Variants in TNKS observed in about 807,000 individuals in gnomAD.
TNKS encodes the protein tankyrase, also known as poly [ADP-ribose] polymerase tankyrase-1.
TNKS carries 72 observed loss-of-function variants against 135.8 expected under a neutral mutation model. The ratio of observed to expected loss-of-function variants is 0.53; its 90% confidence interval spans 0.44 to 0.64. The LOEUF (loss-of-function observed/expected upper bound fraction) is 0.64, where lower values mean the gene tolerates loss of function less well. Among genes scored for constraint, TNKS ranks in the 30% least tolerant of loss-of-function variants. The pLI is 0.00. For synonymous variants in TNKS, 849 were observed against 649.3 expected (o/e 1.31, Z -4.68); for missense variants, 1,769 against 1,674.0 (o/e 1.06, Z -0.99).
chr8:9,611,927 TC>T (rs1799479039), intron 2 of TNKS, among the ~76,000 whole-genome samples: 1 of 152,246 alleles, frequency 6.6e-6, no homozygotes, highest in Non-Finnish European at 1.5e-5. Flanking sequence ...ATTATTTTTT[TC>T]ATTTTGATTC....
intron 5 of TNKS, among the ~76,000 whole-genome samples, chr8:9,690,242 A>C (rs1181299958): frequency 6.6e-6 from 1 of 152,190 alleles, no homozygotes; most frequent in African/African-American, 2.4e-5. Flanking sequence ...CTGAGGCTGG[A>C]AAAGAGAAAC....
chr8:9,666,828 A>G (rs982765134), intron 3 of TNKS, among the ~76,000 whole-genome samples: 2 of 152,170 alleles, frequency 1.3e-5, no homozygotes, highest in Admixed American at 6.5e-5. Flanking sequence ...ATTATTCCAA[A>G]GGCTGGTGGA....
rs1807401179 is a variant in TNKS, at chr8:9,765,728, T to C, written c.3484T>C (p.Phe1162Leu). 6.2e-7 allele frequency: 1 copy of C among 1,613,998 alleles called. No individual in the cohort carries two copies. Among genetic ancestry groups the C allele is most frequent in the South Asian group, 1.1e-5 (1 of 91,062 alleles). Residue 1162 changes from phenylalanine (F) to leucine (L), a missense_variant, in exon 24 of 27, where the codon TTC becomes CTC. Coordinates refer to ENST00000310430, the MANE Select transcript of TNKS (RefSeq NM_003747.3). ...KVVNKKLRER[F>L]CHRQKEVSEE... ...TGTCAACAAGAAGTTGAGGGAGCGG[T>C]TCTGCCACCGACAGAAGGAAGTGTC...
chr8:9,752,239 A>C (rs1039918763), intron 19 of TNKS, among the ~76,000 whole-genome samples: 1 of 152,088 alleles, frequency 6.6e-6, no homozygotes, highest in East Asian at 1.9e-4. Flanking sequence ...GAATTATACT[A>C]TAATGTTAAA....
intron 5 of TNKS, among the ~76,000 whole-genome samples, chr8:9,699,691 G>A (rs1348443712): frequency 6.6e-6 from 1 of 152,152 alleles, no homozygotes; most frequent in East Asian, 1.9e-4. Context: ...AGATGCTGCT[G>A]CCACTTTGCT....
At chr8:9,776,544 T>A (rs1585463294) in intron 26 of TNKS, 106 bp from the exon 27 acceptor site, 1 of 970,180 alleles carries the variant, frequency 1.0e-6, no homozygotes, top group African/African-American at 1.6e-5. Context: ...TGAGTCTATA[T>A]AGAATATTGG....
At chr8:9,637,269 C>T (rs772055961) in intron 3 of TNKS, among the ~76,000 whole-genome samples, 2 of 152,124 alleles carry the variant, frequency 1.3e-5, no homozygotes, top group African/African-American at 2.4e-5. Context: ...TTGTTATTGC[C>T]TGTGAGTATC....
chr8:9,628,802 A>T lies in TNKS; in HGVS notation c.994+13125A>T, dbSNP rs556717508. 7.9e-5 allele frequency among the ~76,000 whole-genome samples: 12 copies of T among 152,240 alleles called. No homozygotes were observed. In the South Asian group the frequency reaches 1.7e-3, roughly 21 times the overall value. On this transcript the variant is annotated intron_variant, in intron 3 of 26. Coordinates refer to ENST00000310430, the MANE Select transcript of TNKS (RefSeq NM_003747.3). The stretch of plus-strand genomic sequence containing the variant: ...TGACATTTCCAAATGAGTTGTCTGG[A>T]TGTCTCAACCTTAACATGGCCAACA...
intron 19 of TNKS, among the ~76,000 whole-genome samples, chr8:9,752,203 T>C (rs1585417660): frequency 3.9e-5 from 6 of 152,292 alleles, no homozygotes; most frequent in East Asian, 3.9e-4. Flanking sequence ...TAGATGTTTC[T>C]ATATAAGTAG....
At chr8:9,626,505 T>C (rs1393477141) in intron 3 of TNKS, among the ~76,000 whole-genome samples, 1 of 152,228 alleles carries the variant, frequency 6.6e-6, no homozygotes, top group Non-Finnish European at 1.5e-5. Context: ...ACAGTATCTA[T>C]TGGTTGTCTT....
At chr8:9,605,259 T>G (rs1799170841) in intron 2 of TNKS, among the ~76,000 whole-genome samples, 1 of 152,094 alleles carries the variant, frequency 6.6e-6, no homozygotes, top group Non-Finnish European at 1.5e-5. Context: ...AGAAATATGT[T>G]CTTGTGTGTC....
rs1327138342 is a variant in TNKS, at chr8:9,781,436, G to A, written c.*4700G>A. The A allele has an allele frequency of 6.6e-6, 1 of 152,168 alleles. No individual in the cohort carries two copies. Among genetic ancestry groups the A allele is most frequent in the African/African-American group, 2.4e-5 (1 of 41,434 alleles). 9.4% of individuals were successfully genotyped at this position (152,168 alleles called of 1,614,324 possible). A position where few individuals can be genotyped will look rare whatever the true frequency, so the allele number is the denominator to read the frequency against. ...CCCCTCCCAAAGTTCAGGATGAAAG[G>A]CTAGAAAACCCATTCAAAGTTAGGA... On this transcript the variant is annotated 3_prime_UTR_variant, in exon 27 of 27. Coordinates refer to ENST00000310430, the MANE Select transcript of TNKS (RefSeq NM_003747.3).
chr8:9,690,267 G>A (rs552534280), intron 5 of TNKS, among the ~76,000 whole-genome samples: 8 of 152,198 alleles, frequency 5.3e-5, no homozygotes, highest in Middle Eastern at 3.4e-3. Flanking sequence ...ATTGCTGGCC[G>A]CTGAAAAATC....
At position 9,556,080 on chromosome 8, in the gene TNKS, T is replaced by G. The variant is rs1000560426; in HGVS notation, c.141T>G (p.Ser47=). ...TGGCCCCGGGGACCACCCCAGCCTC[T>G]CCCACGGCCAGCGGCCTGGCCCCCT... ...PGLAPGTTPA[S]PTASGLAPFA... is the part of the protein sequence containing the mutation. The change falls in exon 1 of 27, where the codon TCT becomes TCG. Residue 47 remains serine, a synonymous_variant. Coordinates refer to ENST00000310430, the MANE Select transcript of TNKS (RefSeq NM_003747.3). The G allele has an allele frequency of 1.2e-6, 2 of 1,605,192 alleles. No individual in the cohort carries two copies. The highest frequency in any genetic ancestry group is 2.7e-5 in the African/African-American group (2 of 74,826).
intron 20 of TNKS, among the ~76,000 whole-genome samples, chr8:9,753,638 T>C (rs770619080): frequency 1.3e-5 from 2 of 152,250 alleles, no homozygotes; most frequent in Non-Finnish European, 2.9e-5. Flanking sequence ...ACTATTGATA[T>C]ACATGAAATT....
intron 3 of TNKS, among the ~76,000 whole-genome samples, chr8:9,645,964 A>G (rs1419628072): frequency 2.0e-5 from 3 of 152,022 alleles, no homozygotes; most frequent in Non-Finnish European, 2.9e-5. Flanking sequence ...TTTACTTACT[A>G]TTTCTCCATT....
chr8:9,743,152 G>T (rs1294483680), intron 17 of TNKS, among the ~76,000 whole-genome samples: 4 of 152,194 alleles, frequency 2.6e-5, no homozygotes, highest in African/African-American at 7.2e-5. Flanking sequence ...TAGATTTTCT[G>T]TGGCATATCA....
chr8:9,728,058 TAC>T (rs1341548052), intron 13 of TNKS, among the ~76,000 whole-genome samples: 1 of 152,232 alleles, frequency 6.6e-6, no homozygotes, highest in African/African-American at 2.4e-5. Context: ...TTATAATTAA[TAC>T]ATACTTTATT....
chr8:9,676,851 G>T (rs1052815240), intron 3 of TNKS, among the ~76,000 whole-genome samples: 3 of 152,030 alleles, frequency 2.0e-5, no homozygotes, highest in African/African-American at 7.3e-5. Flanking sequence ...AATGTTTTAA[G>T]CCATCTATTT....
Sources: gnomAD v4.1 joint callset for allele counts (sites outside exome capture counted in the v4.1 genomes callset) on GRCh38, gnomAD v4.1.1 for gene constraint, MANE v1.5 for transcripts, NCBI Gene and HGNC (gene_info 2026-07-23, HGNC 2026-07-21) for gene names.